Variants in SGCZ observed in about 807,000 individuals in gnomAD.
SGCZ encodes the protein zeta-sarcoglycan.
SGCZ carries 40 observed loss-of-function variants against 41.3 expected under a neutral mutation model. That is an observed-to-expected ratio of 0.97 (90% CI 0.75 to 1.26). The LOEUF (loss-of-function observed/expected upper bound fraction) is 1.26, where lower values mean the gene tolerates loss of function less well. Among genes scored for constraint, SGCZ ranks in the 50% most tolerant of loss-of-function variants. SGCZ has a pLI of 0.00. For missense variants in SGCZ, 552 were observed against 369.8 expected (o/e 1.49, Z -4.04); for synonymous variants, 206 against 137.5 (o/e 1.50, Z -3.49).
rs142880820 is a variant in SGCZ, at chr8:14,870,593, A to C, written c.40-315667T>G. Among the ~76,000 whole-genome samples, 287 of 152,282 alleles carry C rather than the reference A, an allele frequency of 1.9e-3. 5 individuals carry two copies. In the East Asian group the frequency reaches 0.045, roughly 24 times the overall value. ...AAGCCAAAATTGACAAATAGGATCT[A>C]ATTAAACTAAAGAGCTTCTGCACAG... On this transcript the variant is annotated intron_variant, in intron 1 of 7. Transcript: ENST00000382080.
chr8:15,025,577 T>C (rs569239660), intron 1 of SGCZ, among the ~76,000 whole-genome samples: 17 of 152,286 alleles, frequency 1.1e-4, no homozygotes, highest in Admixed American at 5.9e-4. Flanking sequence ...AATCCCATTC[T>C]CCTGAAGTGT....
intron 1 of SGCZ, among the ~76,000 whole-genome samples, chr8:14,955,840 T>A (rs1238499121): frequency 2.0e-5 from 3 of 152,146 alleles, no homozygotes; most frequent in Admixed American, 1.3e-4. Flanking sequence ...CCACTTCTAC[T>A]TTATGAGTTG....
intron 1 of SGCZ, among the ~76,000 whole-genome samples, chr8:14,814,636 G>T (rs549468437): frequency 6.6e-6 from 1 of 152,244 alleles, no homozygotes; most frequent in Middle Eastern, 3.4e-3. Context: ...AGAGAAGATG[G>T]GAGGACGCAA....
At chr8:14,540,178 A>C (rs1585061320) in intron 2 of SGCZ, among the ~76,000 whole-genome samples, 1 of 137,322 alleles carries the variant, frequency 7.3e-6, no homozygotes, top group East Asian at 2.1e-4. Flanking sequence ...GATTGGTGCT[A>C]TATTTTTACT....
At chr8:14,748,548 C>G (rs1479871792) in intron 1 of SGCZ, among the ~76,000 whole-genome samples, 1 of 151,980 alleles carries the variant, frequency 6.6e-6, no homozygotes, top group Non-Finnish European at 1.5e-5. Flanking sequence ...AAATACAGCC[C>G]CAGAAATGCA....
chr8:15,229,169 A>T (rs1801869593), intron 1 of SGCZ, among the ~76,000 whole-genome samples: 1 of 152,132 alleles, frequency 6.6e-6, no homozygotes, highest in South Asian at 2.1e-4. Flanking sequence ...TCCAGCCTGG[A>T]CAACAGAGCA....
At chr8:14,978,681 A>C (rs1166814528) in intron 1 of SGCZ, among the ~76,000 whole-genome samples, 1 of 152,100 alleles carries the variant, frequency 6.6e-6, no homozygotes, top group Non-Finnish European at 1.5e-5. Context: ...TTTGCATTCT[A>C]TGCTATGAAA....
At chr8:14,715,142 A>C (rs1246091843) in intron 1 of SGCZ, among the ~76,000 whole-genome samples, 1 of 152,218 alleles carries the variant, frequency 6.6e-6, no homozygotes, top group East Asian at 1.9e-4. Context: ...CTGGAAAATA[A>C]GTAGTTTGAC....
chr8:14,818,836 C>T (rs1801982713), intron 1 of SGCZ, among the ~76,000 whole-genome samples: 1 of 151,798 alleles, frequency 6.6e-6, no homozygotes, highest in African/African-American at 2.4e-5. Context: ...GATAGAATTT[C>T]TGATTTTGAA....
intron 4 of SGCZ, among the ~76,000 whole-genome samples, chr8:14,217,951 T>A (rs1806058878): frequency 6.6e-6 from 1 of 151,914 alleles, no homozygotes; most frequent in Admixed American, 6.6e-5. Flanking sequence ...TTTTTTAAAG[T>A]GCAAAATAGG....
chr8:14,219,026 T>G (rs1036547545), intron 4 of SGCZ, among the ~76,000 whole-genome samples: 19 of 152,210 alleles, frequency 1.2e-4, no homozygotes, highest in Non-Finnish European at 2.4e-4. Context: ...TGAAAAAGCT[T>G]GATAAGTGGG....
intron 1 of SGCZ, among the ~76,000 whole-genome samples, chr8:14,577,313 G>C (rs887466460): frequency 6.7e-6 from 1 of 149,844 alleles, no homozygotes; most frequent in Non-Finnish European, 1.5e-5. Context: ...TGATCTGACA[G>C]ATCTTCAACA....
chr8:15,235,257 CAGA>C (rs1292548181), intron 1 of SGCZ, among the ~76,000 whole-genome samples: 1 of 152,188 alleles, frequency 6.6e-6, no homozygotes, highest in Non-Finnish European at 1.5e-5. Flanking sequence ...GTATATATTT[CAGA>C]AGGATTCCAC....
At chr8:14,570,651 T>C (rs749181503) in intron 1 of SGCZ, among the ~76,000 whole-genome samples, 1 of 152,190 alleles carries the variant, frequency 6.6e-6, no homozygotes, top group Non-Finnish European at 1.5e-5. Flanking sequence ...TTACTGACTT[T>C]CAAGAATTTA....
chr8:15,097,796 ACG>A lies in SGCZ; in HGVS notation c.39+139787_39+139788del, dbSNP rs1491223755. ...TATATATATACGTGTATATATATATACGTGTATATATATATATACGTGTGTGT... is the reference window on the plus strand; with the variant it reads ...TATATATATACGTGTATATATATATATGTATATATATATATACGTGTGTGT... On this transcript the variant is annotated intron_variant, in intron 1 of 7. Transcript: ENST00000382080. 5.9e-3 allele frequency among the ~76,000 whole-genome samples: 781 copies of A among 131,990 alleles called. 26 individuals carry two copies. The highest frequency in any genetic ancestry group is 0.025 in the African/African-American group (762 of 30,500). 86.6% of individuals were successfully genotyped at this position (131,990 alleles called of 152,430 possible). A position where few individuals can be genotyped will look rare whatever the true frequency, so the allele number is the denominator to read the frequency against.
chr8:14,647,964 A>C (rs1381637618), intron 1 of SGCZ, among the ~76,000 whole-genome samples: 1 of 151,980 alleles, frequency 6.6e-6, no homozygotes, highest in Admixed American at 6.6e-5. Flanking sequence ...CCAAACACCC[A>C]GGCACCAGAA....
chr8:14,402,583 A>G (rs1799107990), intron 2 of SGCZ, among the ~76,000 whole-genome samples: 2 of 143,788 alleles, frequency 1.4e-5, no homozygotes, highest in East Asian at 2.0e-4. Context: ...AGGTTTGTCA[A>G]AGATCAGATA....
intron 1 of SGCZ, among the ~76,000 whole-genome samples, chr8:15,007,149 T>A (rs1036545003): frequency 6.6e-6 from 1 of 152,122 alleles, no homozygotes; most frequent in Admixed American, 6.6e-5. Context: ...AAGAGATATA[T>A]CCACAAAACA....
chr8:14,292,994 G>C (rs898979504), intron 3 of SGCZ, among the ~76,000 whole-genome samples: 14 of 151,866 alleles, frequency 9.2e-5, no homozygotes, highest in Non-Finnish European at 1.5e-4. Context: ...TAGGTTTCAG[G>C]ATATGGAGAA....
Sources: gnomAD v4.1 joint callset for allele counts (sites outside exome capture counted in the v4.1 genomes callset) on GRCh38, gnomAD v4.1.1 for gene constraint, MANE v1.5 for transcripts, NCBI Gene and HGNC (gene_info 2026-07-23, HGNC 2026-07-21) for gene names.